CYTH3: variants seen among roughly 807,000 people sequenced by gnomAD.
The protein encoded by CYTH3 is cytohesin 3.
Under a neutral mutation model 55.1 loss-of-function variants are expected in CYTH3, and 23 were observed. The ratio of observed to expected loss-of-function variants is 0.42; its 90% CI spans 0.30 to 0.59. The LOEUF (loss-of-function observed/expected upper bound fraction) is 0.59, where lower values mean the gene tolerates loss of function less well. Ranked by LOEUF, CYTH3 falls within the 20% of genes least tolerant of loss-of-function variation. CYTH3 has a pLI of 0.20. For missense variants in CYTH3, 413 were observed against 524.8 expected (o/e 0.79, Z 2.08); for synonymous variants, 249 against 194.9 (o/e 1.28, Z -2.31).
intron 4 of CYTH3, among the ~76,000 whole-genome samples, chr7:6,179,868 CCA>C (rs1491138214): frequency 2.6e-5 from 2 of 76,056 alleles, no homozygotes; most frequent in Admixed American, 1.1e-4. Context: ...CCACACACAC[CCA>C]CACACACCAC....
intron 1 of CYTH3, among the ~76,000 whole-genome samples, chr7:6,267,927 G>A (rs992740356): frequency 1.2e-4 from 18 of 152,234 alleles, no homozygotes; most frequent in Admixed American, 5.2e-4. Flanking sequence ...TAGAAAAAGT[G>A]AAGACAGATT....
chr7:6,258,527 T>C (rs1780192796), intron 1 of CYTH3, among the ~76,000 whole-genome samples: 1 of 152,160 alleles, frequency 6.6e-6, no homozygotes, highest in Admixed American at 6.5e-5. Flanking sequence ...TAAAGTCCTC[T>C]TCCCTGATGG....
intron 1 of CYTH3, among the ~76,000 whole-genome samples, chr7:6,251,102 C>T (rs1037422783): frequency 4.6e-5 from 7 of 152,118 alleles, no homozygotes; most frequent in Non-Finnish European, 1.0e-4. Flanking sequence ...TGGTAAAACC[C>T]CATCTCCACT....
chr7:6,203,013 A>G (rs1030071641), intron 1 of CYTH3, among the ~76,000 whole-genome samples: 1 of 152,260 alleles, frequency 6.6e-6, no homozygotes, highest in Non-Finnish European at 1.5e-5. Context: ...TGGTACCGCT[A>G]TAAGAAAAAA....
At chr7:6,185,610 G>A (rs1459748681) in intron 4 of CYTH3, among the ~76,000 whole-genome samples, 1 of 151,748 alleles carries the variant, frequency 6.6e-6, no homozygotes, top group African/African-American at 2.4e-5. Context: ...TGAGGCAGGA[G>A]AATGGTGTGA....
chr7:6,271,929 C>T (rs1780670387), intron 1 of CYTH3, among the ~76,000 whole-genome samples: 1 of 152,076 alleles, frequency 6.6e-6, no homozygotes, highest in South Asian at 2.1e-4. Flanking sequence ...GCAAATCCAG[C>T]GACCGTTTCT....
At chr7:6,256,398 C>A in intron 1 of CYTH3, among the ~76,000 whole-genome samples, 1 of 152,296 alleles carries the variant, frequency 6.6e-6, no homozygotes, top group Non-Finnish European at 1.5e-5. Context: ...TCTGAAGACA[C>A]AAATTCTTTG....
chr7:6,205,223 G>A (rs966178161), intron 1 of CYTH3, among the ~76,000 whole-genome samples: 4 of 151,970 alleles, frequency 2.6e-5, no homozygotes, highest in African/African-American at 9.7e-5. Context: ...ATTAAATTAA[G>A]AAACACAATT....
At chr7:6,264,693 A>G (rs879526710) in intron 1 of CYTH3, among the ~76,000 whole-genome samples, 1 of 152,214 alleles carries the variant, frequency 6.6e-6, no homozygotes, top group Admixed American at 6.5e-5. Context: ...TTGAAAGCAA[A>G]GAGCAAAAGG....
At chr7:6,255,827 G>A (rs890429778) in intron 1 of CYTH3, among the ~76,000 whole-genome samples, 10 of 143,296 alleles carry the variant, frequency 7.0e-5, no homozygotes, top group African/African-American at 1.9e-4. Flanking sequence ...GCAGTGGCGC[G>A]ATCTCTGCTC....
intron 1 of CYTH3, among the ~76,000 whole-genome samples, chr7:6,194,324 G>T (rs184327041): frequency 1.3e-5 from 2 of 152,164 alleles, no homozygotes; most frequent in Non-Finnish European, 2.9e-5. Flanking sequence ...GTGATGGCAC[G>T]CATCCGTAGT....
At chr7:6,228,104 C>A (rs143990180) in intron 1 of CYTH3, among the ~76,000 whole-genome samples, 5 of 152,346 alleles carry the variant, frequency 3.3e-5, no homozygotes, top group African/African-American at 9.6e-5. Flanking sequence ...TTTAACTCTG[C>A]TAACCCAAGG....
At chr7:6,200,787 G>T (rs1241179027) in intron 1 of CYTH3, among the ~76,000 whole-genome samples, 1 of 152,168 alleles carries the variant, frequency 6.6e-6, no homozygotes, top group African/African-American at 2.4e-5. Context: ...AAAGGATCTT[G>T]CTCTGTCACT....
intron 1 of CYTH3, among the ~76,000 whole-genome samples, chr7:6,271,348 G>A (rs1780647388): frequency 6.6e-6 from 1 of 152,174 alleles, no homozygotes; most frequent in African/African-American, 2.4e-5. Flanking sequence ...ACTTCATCCT[G>A]AAGCATTCAA....
chr7:6,187,742 C>T (rs900920607), intron 2 of CYTH3, 21 bp from the exon 3 acceptor site: 11 of 1,611,026 alleles, frequency 6.8e-6, no homozygotes, highest in Non-Finnish European at 8.5e-6. Flanking sequence ...AGAAGAATTT[C>T]GAGGTGGGGA....
chr7:6,183,615 A>C (rs1481611594), intron 4 of CYTH3, among the ~76,000 whole-genome samples: 2 of 152,202 alleles, frequency 1.3e-5, no homozygotes, highest in African/African-American at 4.8e-5. Flanking sequence ...TTGCTCTGAC[A>C]ATGTCTTCAT....
At chr7:6,217,420 T>C (rs1271899963) in intron 1 of CYTH3, among the ~76,000 whole-genome samples, 1 of 152,060 alleles carries the variant, frequency 6.6e-6, no homozygotes, top group East Asian at 1.9e-4. Flanking sequence ...AGAAAGCAGG[T>C]GTGGCTATAT....
chr7:6,165,852 G>A, intron 9 of CYTH3, 42 bp from the exon 10 acceptor site: 4 of 1,596,032 alleles, frequency 2.5e-6, no homozygotes, highest in Middle Eastern at 1.8e-4. Context: ...TCCGTGCACA[G>A]GGAGCCCGCG....
intron 1 of CYTH3, among the ~76,000 whole-genome samples, chr7:6,194,762 G>A (rs1402306860): frequency 1.3e-5 from 2 of 152,158 alleles, no homozygotes; most frequent in Non-Finnish European, 2.9e-5. Context: ...GGATCATGAC[G>A]TCAAGAGATC....
Sources: gnomAD v4.1 joint callset for allele counts (sites outside exome capture counted in the v4.1 genomes callset) on GRCh38, gnomAD v4.1.1 for gene constraint, MANE v1.5 for transcripts, NCBI Gene and HGNC (gene_info 2026-07-23, HGNC 2026-07-21) for gene names.